Variants in ATP8B4 observed in about 807,000 individuals in gnomAD.
The protein encoded by ATP8B4 is ATPase phospholipid transporting 8B4 (putative).
ATP8B4 carries 133 observed loss-of-function variants against 145.6 expected under a neutral mutation model. The observed-to-expected ratio is 0.91, with a 90% CI of 0.79 to 1.05. The LOEUF (loss-of-function observed/expected upper bound fraction) is 1.05. Ranked by LOEUF, ATP8B4 falls within the 50% of genes least tolerant of loss-of-function variation. ATP8B4 has a pLI of 0.00. For missense variants in ATP8B4, 1,458 were observed against 1,425.2 expected, an observed-to-expected ratio of 1.02 and a Z score of -0.37; for synonymous variants, 507 against 492.9, an observed-to-expected ratio of 1.03 and a Z score of -0.38.
chr15:50,068,620 T>C (rs1403757143), intron 3 of ATP8B4, among the ~76,000 whole-genome samples: 1 of 152,202 alleles, frequency 6.6e-6, no homozygotes, highest in Non-Finnish European at 1.5e-5. Context: ...CCTTTGTGCA[T>C]TAAATATATT....
intron 1 of ATP8B4, among the ~76,000 whole-genome samples, chr15:50,130,778 A>G (rs1182288959): frequency 6.6e-6 from 1 of 152,160 alleles, no homozygotes; most frequent in African/African-American, 2.4e-5. Flanking sequence ...CTGACTCAAA[A>G]AAAATTAAAA....
At chr15:49,875,334 T>C (rs1261589141) in intron 25 of ATP8B4, among the ~76,000 whole-genome samples, 3 of 152,152 alleles carry the variant, frequency 2.0e-5, no homozygotes, top group Non-Finnish European at 2.9e-5. Context: ...CAGAGGTGAA[T>C]CAGCTGTTAC....
At position 50,177,644 on chromosome 15, in the gene ATP8B4, T is replaced by G. The variant is rs200351732; in HGVS notation, c.-43+4617A>C. On this transcript the variant is annotated intron_variant, in intron 1 of 3. Coordinates refer to the ATP8B4 transcript ENST00000558829. ...TATGCAATGAACTCTCCTCAGTAAC[T>G]TCTCAGCCACTAGGGCTCTACCGAG... Among the ~76,000 whole-genome samples the G allele has an allele frequency of 8.5e-5, 13 of 152,332 alleles. No homozygotes were observed. The East Asian group carries it at 2.5e-3, about 29-fold the overall frequency.
intron 14 of ATP8B4, among the ~76,000 whole-genome samples, chr15:49,935,231 C>T (rs947426461): frequency 2.0e-5 from 3 of 151,834 alleles, no homozygotes; most frequent in South Asian, 2.1e-4. Flanking sequence ...ATAATAGGCC[C>T]GACTTTATGC....
At chr15:50,139,376 A>G (rs1473720270) in intron 1 of ATP8B4, among the ~76,000 whole-genome samples, 1 of 151,886 alleles carries the variant, frequency 6.6e-6, no homozygotes, top group Admixed American at 6.6e-5. Context: ...CATAAGTGGG[A>G]GTTGAAAAAG....
chr15:49,941,967 C>T (rs1253236221), intron 14 of ATP8B4, among the ~76,000 whole-genome samples: 1 of 152,116 alleles, frequency 6.6e-6, no homozygotes, highest in Non-Finnish European at 1.5e-5. Context: ...TATGTCCTCA[C>T]TTATAAGTGG....
At chr15:50,143,226 T>C (rs2044235791) in intron 1 of ATP8B4, among the ~76,000 whole-genome samples, 1 of 152,236 alleles carries the variant, frequency 6.6e-6, no homozygotes, top group South Asian at 2.1e-4. Context: ...AAAACAACAA[T>C]ATAGTGTCTG....
intron 23 of ATP8B4, among the ~76,000 whole-genome samples, chr15:49,887,904 A>G (rs550667422): frequency 6.0e-4 from 91 of 152,296 alleles, no homozygotes; most frequent in African/African-American, 2.1e-3. Context: ...AACAGCTGCA[A>G]AGGGCTTTCT....
chr15:49,916,996 G>A lies in ATP8B4; in HGVS notation c.2079C>T (p.Asp693=), dbSNP rs781742233. 3.3e-5 allele frequency: 53 copies of A among 1,613,444 alleles called. 2 individuals carry two copies. The highest frequency in any genetic ancestry group is 6.7e-5 in the East Asian group (3 of 44,880). ...CTATCACAAACACATCATTCATGTC[G>A]TCAGTCAGCATGTTGCAGGCATAAC... ...NIGYACNMLT[D]DMNDVFVIAG... is the part of the protein sequence containing the mutation. The change falls in exon 20 of 28, where the codon GAC becomes GAT. Residue 693 remains aspartate, a synonymous_variant. Coordinates refer to ENST00000284509, the MANE Select transcript of ATP8B4 (RefSeq NM_024837.4).
intron 14 of ATP8B4, among the ~76,000 whole-genome samples, chr15:49,951,253 G>A (rs2043075105): frequency 6.6e-6 from 1 of 152,100 alleles, no homozygotes; most frequent in African/African-American, 2.4e-5. Context: ...GAATATCCTT[G>A]GTAATTTGCA....
At chr15:50,110,378 T>C (rs1005619820) in intron 1 of ATP8B4, among the ~76,000 whole-genome samples, 3 of 152,230 alleles carry the variant, frequency 2.0e-5, no homozygotes, top group South Asian at 2.1e-4. Context: ...CAACATTTAG[T>C]CCTGTCATTC....
intron 3 of ATP8B4, among the ~76,000 whole-genome samples, chr15:50,058,561 T>A (rs984292088): frequency 3.3e-5 from 5 of 152,180 alleles, no homozygotes; most frequent in African/African-American, 1.2e-4. Flanking sequence ...AGTCTAATCC[T>A]TCCTAGCACT....
At chr15:50,120,806 G>A (rs1449212847), upstream of ATP8B4, among the ~76,000 whole-genome samples, 2 of 152,180 alleles carry the variant, frequency 1.3e-5, no homozygotes, top group Non-Finnish European at 2.9e-5. Context: ...TCAAAAGAGG[G>A]TAGAATTGGA....
intron 13 of ATP8B4, among the ~76,000 whole-genome samples, chr15:49,968,406 T>A (rs2044755762): frequency 8.1e-6 from 1 of 123,738 alleles, no homozygotes; most frequent in African/African-American, 3.4e-5. Context: ...ACACATAGGC[T>A]CAAAATAAAG....
chr15:50,073,019 T>TATACACAC (rs1455088682), intron 3 of ATP8B4, among the ~76,000 whole-genome samples: 24 of 32,416 alleles, frequency 7.4e-4, no homozygotes, highest in South Asian at 4.1e-3. Context: ...TATATATATA[T>TATACACAC]ACACACACAC....
At chr15:50,099,274 TTTTTC>T (rs981234233) in intron 2 of ATP8B4, among the ~76,000 whole-genome samples, 2 of 152,126 alleles carry the variant, frequency 1.3e-5, no homozygotes, top group Non-Finnish European at 2.9e-5. Context: ...TGTACAATTT[TTTTTC>T]TTTTCTTTTC....
intron 1 of ATP8B4, among the ~76,000 whole-genome samples, chr15:50,118,290 A>G (rs1268267992): frequency 6.6e-6 from 1 of 152,218 alleles, no homozygotes; most frequent in East Asian, 1.9e-4. Context: ...GTATGCATAT[A>G]CCAAAATATC....
Position 49,987,479 on chromosome 15 carries a change from G to C in ATP8B4, c.660C>G (p.Ser220Arg). ...TCTTCTCATTGTTGAGGGAATGCTT[G>C]CTGTCTTTCCAAGAAAGGATTCCCA... ...KFMGILSWKD[S>R]KHSLNNEKII... Residue 220 changes from serine (S) to arginine (R), a missense_variant, in exon 10 of 28, where the codon AGC becomes AGG. Physicochemically the swap from Ser to Arg is moderately radical, Grantham distance 110 (BLOSUM62 -1). Coordinates refer to ENST00000284509, the MANE Select transcript of ATP8B4 (RefSeq NM_024837.4). The C allele has an allele frequency of 1.2e-6, 2 of 1,613,602 alleles. No individual in the cohort carries two copies. Among genetic ancestry groups the C allele is most frequent in the South Asian group, 2.2e-5 (2 of 91,062 alleles).
chr15:49,877,054 G>A (rs2034560196), intron 24 of ATP8B4, among the ~76,000 whole-genome samples: 1 of 152,186 alleles, frequency 6.6e-6, no homozygotes, highest in Admixed American at 6.5e-5. Flanking sequence ...AACTGCATTT[G>A]GGATTCCAGG....
Sources: gnomAD v4.1 joint callset for allele counts (sites outside exome capture counted in the v4.1 genomes callset) on GRCh38, gnomAD v4.1.1 for gene constraint, MANE v1.5 for transcripts, NCBI Gene and HGNC (gene_info 2026-07-23, HGNC 2026-07-21) for gene names.